The following CDH12 variants were observed in gnomAD, a reference collection of about 807,000 sequenced individuals.
CDH12 encodes cadherin-12.
CDH12 carries 41 observed loss-of-function variants against 74.1 expected under a neutral mutation model. The observed-to-expected ratio is 0.55, with a 90% CI of 0.43 to 0.72. The LOEUF (loss-of-function observed/expected upper bound fraction) is 0.72, where lower values mean the gene tolerates loss of function less well. Among genes scored for constraint, CDH12 ranks in the 30% least tolerant of loss-of-function variants. The probability of loss-of-function intolerance (pLI) is 0.00; values close to 1 mark genes in which losing one functional copy is unlikely to be tolerated. For synonymous variants in CDH12, 399 were observed against 355.0 expected, an observed-to-expected ratio of 1.12 and a Z score of -1.39; for missense variants, 945 against 977.2, an observed-to-expected ratio of 0.97 and a Z score of 0.44.
chr5:22,844,509 T>C (rs954926689), intron 1 of CDH12, among the ~76,000 whole-genome samples: 7 of 152,148 alleles, frequency 4.6e-5, no homozygotes, highest in Non-Finnish European at 1.0e-4. Context: ...TCTGAGCTTG[T>C]ACAAAATTGT....
At chr5:21,788,307 G>C (rs1032447057) in intron 10 of CDH12, among the ~76,000 whole-genome samples, 1 of 152,116 alleles carries the variant, frequency 6.6e-6, no homozygotes, top group Non-Finnish European at 1.5e-5. Flanking sequence ...TCCAAGAGGA[G>C]GTTGAAGCAG....
At chr5:22,414,804 TA>T (rs1459838534) in intron 2 of CDH12, among the ~76,000 whole-genome samples, 1 of 151,852 alleles carries the variant, frequency 6.6e-6, no homozygotes, top group Non-Finnish European at 1.5e-5. Flanking sequence ...TTTCTAATGA[TA>T]AAAATTTTAA....
chr5:22,681,228 G>GGGGTGT (rs1428206303), intron 1 of CDH12, among the ~76,000 whole-genome samples: 1,836 of 105,798 alleles, frequency 0.017, 40 homozygotes, highest in African/African-American at 0.055. Flanking sequence ...GGTATTGGGG[G>GGGGTGT]GTGTGTGTGT....
intron 5 of CDH12, among the ~76,000 whole-genome samples, chr5:22,024,829 T>C (rs1439289514): frequency 6.6e-6 from 1 of 152,144 alleles, no homozygotes; most frequent in African/African-American, 2.4e-5. Flanking sequence ...CAAATTAAAT[T>C]AGTACACAGA....
At chr5:22,229,425 C>T (rs1443490060) in intron 3 of CDH12, among the ~76,000 whole-genome samples, 2 of 136,716 alleles carry the variant, frequency 1.5e-5, no homozygotes, top group Non-Finnish European at 3.1e-5. Context: ...CCAGCCTGGG[C>T]GACAGAGCAA....
Position 21,755,575 on chromosome 5 carries a change from T to C in CDH12, c.1885+16A>G. 1 of 1,604,422 alleles carries C rather than the reference T, an allele frequency of 6.2e-7. No individual in the cohort carries two copies. The highest frequency in any genetic ancestry group is 1.1e-5 in the South Asian group (1 of 90,770). ...AGAGCGAGAAAAAATTAACAATGAT[T>C]AATATTGAAACCAACCTAAGAGTAT... is the stretch of plus-strand genomic sequence containing the variant. On this transcript the variant is annotated intron_variant, in intron 14 of 14. Coordinates refer to ENST00000382254, the MANE Select transcript of CDH12 (RefSeq NM_004061.5).
intron 2 of CDH12, among the ~76,000 whole-genome samples, chr5:22,464,787 A>C (rs1313507295): frequency 6.6e-6 from 1 of 152,020 alleles, no homozygotes; most frequent in South Asian, 2.1e-4. Flanking sequence ...AGATCACTTG[A>C]GGTCAGGAAT....
At chr5:22,385,148 T>G (rs549913549) in intron 3 of CDH12, among the ~76,000 whole-genome samples, 2 of 152,316 alleles carry the variant, frequency 1.3e-5, no homozygotes, top group South Asian at 4.1e-4. Flanking sequence ...ACCTTAAACT[T>G]ATATTAAACT....
intron 8 of CDH12, among the ~76,000 whole-genome samples, chr5:21,830,072 G>A (rs1286539042): frequency 6.6e-6 from 1 of 151,116 alleles, no homozygotes; most frequent in African/African-American, 2.4e-5. Flanking sequence ...GTTGGCGGGT[G>A]CCTGTAATCC....
intron 6 of CDH12, among the ~76,000 whole-genome samples, chr5:21,877,994 C>T (rs916538226): frequency 6.6e-6 from 1 of 152,176 alleles, no homozygotes; most frequent in African/African-American, 2.4e-5. Flanking sequence ...TTCATAAACT[C>T]AAAGTCACGA....
chr5:21,909,196 C>T (rs1244722078), intron 6 of CDH12, among the ~76,000 whole-genome samples: 1 of 152,082 alleles, frequency 6.6e-6, no homozygotes, highest in African/African-American at 2.4e-5. Context: ...GTTCATCTAC[C>T]AAATCTGGGA....
intron 6 of CDH12, 103 bp from the exon 7 acceptor site, chr5:21,854,893 T>A: frequency 2.0e-6 from 2 of 987,390 alleles, no homozygotes; most frequent in East Asian, 5.1e-5. Flanking sequence ...TTGACCTACG[T>A]CAAGTACACC....
chr5:22,740,989 C>T (rs1274216232), intron 1 of CDH12, among the ~76,000 whole-genome samples: 2 of 152,064 alleles, frequency 1.3e-5, no homozygotes, highest in Non-Finnish European at 2.9e-5. Flanking sequence ...ATTTCAAGTG[C>T]CTTCTCTATT....
chr5:21,785,232 C>G (rs1746137195), intron 10 of CDH12, among the ~76,000 whole-genome samples: 1 of 152,116 alleles, frequency 6.6e-6, no homozygotes, highest in African/African-American at 2.4e-5. Flanking sequence ...GTTGTGTGTC[C>G]TGACTGCTTC....
At chr5:22,352,603 C>T (rs965633523) in intron 3 of CDH12, among the ~76,000 whole-genome samples, 6 of 152,136 alleles carry the variant, frequency 3.9e-5, no homozygotes, top group African/African-American at 1.4e-4. Flanking sequence ...CAGACTTCTT[C>T]ACAGTGCTTT....
chr5:22,782,836 T>A (rs1747450674), intron 1 of CDH12, among the ~76,000 whole-genome samples: 1 of 152,202 alleles, frequency 6.6e-6, no homozygotes, highest in Admixed American at 6.6e-5. Flanking sequence ...TTAGAGGGCA[T>A]ATGTCAAGTC....
At chr5:22,611,589 A>T (rs1039442735) in intron 1 of CDH12, among the ~76,000 whole-genome samples, 1 of 152,120 alleles carries the variant, frequency 6.6e-6, no homozygotes, top group Non-Finnish European at 1.5e-5. Flanking sequence ...CTCAGCTTGA[A>T]AGATAGAGAG....
intron 4 of CDH12, among the ~76,000 whole-genome samples, chr5:22,150,539 C>CAT (rs1341233910): frequency 9.5e-4 from 144 of 150,838 alleles, no homozygotes; most frequent in African/African-American, 1.5e-3. Context: ...CACACACACA[C>CAT]ATATATATAT....
chr5:22,848,274 G>A (rs1202022065), intron 1 of CDH12, among the ~76,000 whole-genome samples: 1 of 152,078 alleles, frequency 6.6e-6, no homozygotes, highest in East Asian at 1.9e-4. Context: ...TCCATTGAAA[G>A]CATTCTTTTT....
Sources: gnomAD v4.1 joint callset for allele counts (sites outside exome capture counted in the v4.1 genomes callset) on GRCh38, gnomAD v4.1.1 for gene constraint, MANE v1.5 for transcripts, NCBI Gene and HGNC (gene_info 2026-07-23, HGNC 2026-07-21) for gene names.